The following PNLIP variants were observed in gnomAD, a reference collection of about 807,000 sequenced individuals.
PNLIP encodes pancreatic triacylglycerol lipase.
A neutral mutation model predicts 57.1 loss-of-function variants in PNLIP; 49 were observed. That is an observed-to-expected ratio of 0.86 (90% CI 0.68 to 1.09). PNLIP has a LOEUF of 1.09. Ranked by LOEUF, PNLIP falls within the 50% of genes least tolerant of loss-of-function variation. The pLI, the probability that PNLIP is intolerant of heterozygous loss-of-function variation, is 0.00. For synonymous variants in PNLIP, 209 were observed against 200.4 expected (o/e 1.04, Z -0.36); for missense variants, 503 against 570.2 (o/e 0.88, Z 1.20).
intron 9 of PNLIP, among the ~76,000 whole-genome samples, chr10:116,557,910 A>G (rs1443418278): frequency 6.6e-6 from 1 of 152,076 alleles, no homozygotes; most frequent in Non-Finnish European, 1.5e-5. Flanking sequence ...ACATAGAGAA[A>G]ATTCCGGGAT....
rs188943154 is a variant in PNLIP at position 116,550,728 on chromosome 10, T to C, written c.325-370T>C. 2.6e-5 allele frequency among the ~76,000 whole-genome samples: 4 copies of C among 152,358 alleles called. No homozygotes were observed. In the East Asian group the frequency reaches 7.7e-4, roughly 29 times the overall value. On this transcript the variant is annotated intron_variant, in intron 4 of 12. Coordinates refer to ENST00000369221, the MANE Select transcript of PNLIP (RefSeq NM_000936.4). ...CTATACCAGTGGACAAGGTAAACAA[T>C]GTCCTTGGGTGCATTCTATTAAGGG...
At chr10:116,546,597 G>T (rs1847128138) in intron 2 of PNLIP, among the ~76,000 whole-genome samples, 1 of 152,082 alleles carries the variant, frequency 6.6e-6, no homozygotes, top group Non-Finnish European at 1.5e-5. Flanking sequence ...CCATCTCCTA[G>T]GATTATTGTG....
At chr10:116,552,438 T>C (rs944816595) in intron 5 of PNLIP, among the ~76,000 whole-genome samples, 1 of 152,172 alleles carries the variant, frequency 6.6e-6, no homozygotes, top group Non-Finnish European at 1.5e-5. Context: ...TGCAGGTGTT[T>C]GTGTCTTAGT....
intron 12 of PNLIP, among the ~76,000 whole-genome samples, chr10:116,564,332 T>C (rs761653440): frequency 6.6e-6 from 1 of 151,836 alleles, no homozygotes; most frequent in Non-Finnish European, 1.5e-5. Flanking sequence ...AAGAAAAAAA[T>C]AACAGCAAAT....
Position 116,553,721 on chromosome 10 carries a change from C to T in PNLIP, c.460-6C>T, listed in dbSNP as rs764689695. 72 of 1,588,230 alleles carry T rather than the reference C, an allele frequency of 4.5e-5. No homozygotes were observed. Among genetic ancestry groups the T allele is most frequent in the Admixed American group, 1.8e-4 (11 of 59,856 alleles). ...AAACATTCTGAAAAGGTTTTCTTTC[C>T]GACAGTCGGCGTTCGGTTACTCACC... is the stretch of plus-strand genomic sequence containing the variant. On this transcript the variant is annotated splice_polypyrimidine_tract_variant and splice_region_variant and intron_variant, in intron 5 of 12. Coordinates refer to ENST00000369221, the MANE Select transcript of PNLIP (RefSeq NM_000936.4).
At chr10:116,546,166 G>A in intron 2 of PNLIP, 28 bp downstream of exon 2, 1 of 1,604,110 alleles carries the variant, frequency 6.2e-7, no homozygotes. Context: ...TGTTGAGCTG[G>A]GAGAGATTCA....
intron 3 of PNLIP, 32 bp downstream of exon 3, chr10:116,547,480 T>A (rs1253276156): frequency 4.2e-5 from 67 of 1,584,160 alleles, no homozygotes; most frequent in Non-Finnish European, 5.7e-5. Context: ...AGAACTAAGT[T>A]CTTTGGGAGG....
chr10:116,561,953 A>G (rs1847319595), intron 12 of PNLIP, among the ~76,000 whole-genome samples: 1 of 152,180 alleles, frequency 6.6e-6, no homozygotes, highest in African/African-American at 2.4e-5. Context: ...TCTTGTGTGC[A>G]TCTTCCAAAC....
intron 2 of PNLIP, among the ~76,000 whole-genome samples, 165 bp downstream of exon 2, chr10:116,546,303 G>A (rs779042699): frequency 6.6e-6 from 1 of 152,116 alleles, no homozygotes; most frequent in South Asian, 2.1e-4. Context: ...AGGGTTGTCA[G>A]AAAACATCTA....
rs113176766 is a variant in PNLIP at position 116,556,015 on chromosome 10, C to A, written c.827C>A (p.Ala276Glu). The A allele has an allele frequency of 6.2e-7, 1 of 1,609,032 alleles. No homozygotes were observed. Among genetic ancestry groups the A allele is most frequent in the Non-Finnish European group, 8.5e-7 (1 of 1,175,824 alleles). The change falls in exon 9 of 13, where the codon GCG (alanine) becomes GAG (glutamate). Residue 276 changes from alanine to glutamate, a missense_variant. Transcript: ENST00000369221. ...TGATTCAAAGGGACTCGAGACTTTG[C>A]GGCCTGTAATCACTTAAGAAGCTAC... Reference protein sequence around the residue: ...DGIWEGTRDFAACNHLRSYKY... With the variant: ...DGIWEGTRDFEACNHLRSYKY...
rs1416366394 is a variant in PNLIP at position 116,556,089 on chromosome 10, C to G, written c.901C>G (p.Pro301Ala). The change falls in exon 9 of 13, where the codon CCC (proline) becomes GCC (alanine). Residue 301 changes from proline (P) to alanine (A), a missense_variant. Pro to Ala is a conservative substitution (Grantham distance 27). Coordinates refer to ENST00000369221, the MANE Select transcript of PNLIP (RefSeq NM_000936.4). ...IVNPDGFAGF[P>A]CASYNVFTAN... Reference sequence around the variant, plus strand: ...CAACCCTGATGGCTTTGCTGGATTCCCCTGTGCCTCTTACAACGTCTTCAC... The same window carrying G: ...CAACCCTGATGGCTTTGCTGGATTCGCCTGTGCCTCTTACAACGTCTTCAC... 12 of 1,612,182 alleles carry G rather than the reference C, an allele frequency of 7.4e-6. No homozygotes were observed. The highest frequency in any genetic ancestry group is 1.0e-5 in the Non-Finnish European group (12 of 1,178,264).
At chr10:116,563,522 T>A (rs1008857613) in intron 12 of PNLIP, among the ~76,000 whole-genome samples, 1 of 152,162 alleles carries the variant, frequency 6.6e-6, no homozygotes. Flanking sequence ...ACCATATATG[T>A]TGTCTTTTAT....
chr10:116,550,842 A>G (rs1370123423), intron 4 of PNLIP, among the ~76,000 whole-genome samples: 2 of 152,208 alleles, frequency 1.3e-5, no homozygotes, highest in African/African-American at 4.8e-5. Context: ...TTCTTGAACT[A>G]AATGTCTCTG....
At chr10:116,553,622 C>T in intron 5 of PNLIP, 105 bp from the exon 6 acceptor site, 1 of 724,898 alleles carries the variant, frequency 1.4e-6, no homozygotes, top group South Asian at 1.5e-5. Flanking sequence ...GATGTTCCCA[C>T]AACAATGAAA....
intron 6 of PNLIP, 24 bp from the exon 7 acceptor site, chr10:116,555,154 C>A: frequency 6.2e-7 from 1 of 1,613,608 alleles, no homozygotes; most frequent in Non-Finnish European, 8.5e-7. Flanking sequence ...TGTCATAATT[C>A]ATGAAACATA....
chr10:116,560,484 T>C lies in PNLIP; in HGVS notation c.1129T>C (p.Phe377Leu). ...KVTGHILVSLFGNKGNSKQYE... is the reference protein window; with the variant it reads ...KVTGHILVSLLGNKGNSKQYE... ...TACAGGACACATACTAGTTTCTTTGTTCGGAAATAAAGGAAACTCTAAGCA... is the reference window on the plus strand; with the variant it reads ...TACAGGACACATACTAGTTTCTTTGCTCGGAAATAAAGGAAACTCTAAGCA... Residue 377 changes from phenylalanine to leucine, a missense_variant, in exon 11 of 13, where the codon TTC (phenylalanine) becomes CTC (leucine). Coordinates refer to ENST00000369221, the MANE Select transcript of PNLIP (RefSeq NM_000936.4). The C allele has an allele frequency of 1.2e-6, 2 of 1,605,966 alleles. No individual in the cohort carries two copies. The highest frequency in any genetic ancestry group is 1.7e-6 in the Non-Finnish European group (2 of 1,173,582).
chr10:116,561,550 AT>A lies in PNLIP; in HGVS notation c.1251del (p.Phe417LeufsTer7). 1 of 1,613,850 alleles carries A rather than the reference AT, an allele frequency of 6.2e-7. No homozygotes were observed. Among genetic ancestry groups the A allele is most frequent in the Non-Finnish European group, 8.5e-7 (1 of 1,179,798 alleles). ...ATGTTGGGGACTTGCAGATGGTTAAATTTATTTGGTATAACAATGTGATCAA... is the reference window on the plus strand; with the variant it reads ...ATGTTGGGGACTTGCAGATGGTTAAATTATTTGGTATAACAATGTGATCAA... ...VDVGDLQMVKFIWYNNVINPT... is the reference protein window; with the variant it reads ...VDVGDLQMVKXIWYNNVINPT... On this transcript the variant is annotated frameshift_variant, in exon 12 of 13. Coordinates refer to ENST00000369221, the MANE Select transcript of PNLIP (RefSeq NM_000936.4). LOFTEE classifies it high-confidence loss of function.
chr10:116,553,335 C>T (rs1336519677), intron 5 of PNLIP, among the ~76,000 whole-genome samples: 1 of 152,188 alleles, frequency 6.6e-6, no homozygotes, highest in Non-Finnish European at 1.5e-5. Flanking sequence ...GAACTCCTGA[C>T]CTCAGGTGGT....
At chr10:116,561,716 G>T (rs1225288772) in intron 12 of PNLIP, 80 bp downstream of exon 12, 20 of 1,275,590 alleles carry the variant, frequency 1.6e-5, no homozygotes, top group Non-Finnish European at 6.6e-6. Context: ...TCTAATTTAA[G>T]TGAAACCTCC....
Sources: gnomAD v4.1 joint callset for allele counts (sites outside exome capture counted in the v4.1 genomes callset) on GRCh38, gnomAD v4.1.1 for gene constraint, MANE v1.5 for transcripts, NCBI Gene and HGNC (gene_info 2026-07-23, HGNC 2026-07-21) for gene names.